The following CAMSAP1 variants were observed in gnomAD, a reference collection of about 807,000 sequenced individuals.
CAMSAP1 encodes calmodulin regulated spectrin associated protein 1, also known as calmodulin-regulated spectrin-associated protein 1.
CAMSAP1 carries 58 observed loss-of-function variants against 143.5 expected under a neutral mutation model. The observed-to-expected ratio is 0.40, with a 90% CI of 0.33 to 0.50. The LOEUF (loss-of-function observed/expected upper bound fraction) is 0.50, where lower values mean the gene tolerates loss of function less well. CAMSAP1 is among the 20% of genes least tolerant of loss of function. The pLI, the probability that CAMSAP1 is intolerant of heterozygous loss-of-function variation, is 0.45. For missense variants in CAMSAP1, 1,969 were observed against 2,115.7 expected (o/e 0.93, Z 1.36); for synonymous variants, 945 against 859.3 (o/e 1.10, Z -1.74).
chr9:135,897,682 A>G (rs1362841074), intron 1 of CAMSAP1, among the ~76,000 whole-genome samples: 1 of 152,124 alleles, frequency 6.6e-6, no homozygotes, highest in Admixed American at 6.5e-5. Context: ...GGAGCAGATG[A>G]TATCAATGAC....
rs545279303 is a variant in CAMSAP1 at position 135,837,832 on chromosome 9, C to T, written c.1046-10248G>A. Among the ~76,000 whole-genome samples the T allele has an allele frequency of 5.3e-5, 8 of 151,684 alleles. No individual in the cohort carries two copies. The South Asian group carries it at 1.0e-3, about 20-fold the overall frequency. ...ACTTTCTGCCCGTTGTACAGACACA[C>T]GTCATCACGCACTTTCTACCCCTTC... On this transcript the variant is annotated intron_variant, in intron 7 of 16. Coordinates refer to ENST00000389532, the MANE Select transcript of CAMSAP1 (RefSeq NM_015447.4).
At chr9:135,887,317 T>C (rs1838154071) in intron 1 of CAMSAP1, among the ~76,000 whole-genome samples, 1 of 152,050 alleles carries the variant, frequency 6.6e-6, no homozygotes, top group Non-Finnish European at 1.5e-5. Flanking sequence ...GAAGGATGCA[T>C]GCATGAAGAC....
intron 3 of CAMSAP1, among the ~76,000 whole-genome samples, chr9:135,877,972 C>A (rs1837808978): frequency 6.6e-6 from 1 of 152,194 alleles, no homozygotes; most frequent in African/African-American, 2.4e-5. Flanking sequence ...GGATGGGAAA[C>A]CCGCATGGCA....
At chr9:135,843,873 C>CAAAAA (rs150201026) in intron 7 of CAMSAP1, among the ~76,000 whole-genome samples, 14 of 63,898 alleles carry the variant, frequency 2.2e-4, no homozygotes, top group African/African-American at 5.9e-4. Context: ...GACTCCGTCT[C>CAAAAA]AAAAAAAAAA....
At position 135,838,379 on chromosome 9, in the gene CAMSAP1, A is replaced by C. The variant is rs1223718450; in HGVS notation, c.1046-10795T>G. 2.1e-5 allele frequency among the ~76,000 whole-genome samples: 3 copies of C among 143,644 alleles called. No individual in the cohort carries two copies. The Admixed American group carries it at 2.1e-4, about 10-fold the overall frequency. 94.2% of individuals were successfully genotyped at this position (143,644 alleles called of 152,430 possible). A position where few individuals can be genotyped will look rare whatever the true frequency, so the allele number is the denominator to read the frequency against. Reference sequence around the variant, plus strand: ...GTTCTACAGACACATGTCATCACGCACTTTCCACCCGTTCTACAGACACAC... The same window carrying C: ...GTTCTACAGACACATGTCATCACGCCCTTTCCACCCGTTCTACAGACACAC... On this transcript the variant is annotated intron_variant, in intron 7 of 16. Coordinates refer to ENST00000389532, the MANE Select transcript of CAMSAP1 (RefSeq NM_015447.4).
chr9:135,823,287 T>C, intron 10 of CAMSAP1, 27 bp from the exon 11 acceptor site: 5 of 1,529,864 alleles, frequency 3.3e-6, no homozygotes, highest in Non-Finnish European at 4.4e-6. Context: ...GCCCACTGGG[T>C]GCGCTGCGGT....
intron 1 of CAMSAP1, among the ~76,000 whole-genome samples, chr9:135,904,555 A>T (rs1460809671): frequency 6.6e-6 from 1 of 152,068 alleles, no homozygotes; most frequent in African/African-American, 2.4e-5. Context: ...TCTGCCTCCG[A>T]GTCACTAGAA....
chr9:135,845,802 C>T (rs920413882), intron 7 of CAMSAP1, among the ~76,000 whole-genome samples: 4 of 152,112 alleles, frequency 2.6e-5, no homozygotes, highest in African/African-American at 9.7e-5. Context: ...AGGAATACAA[C>T]TTACAAGGGC....
chr9:135,850,914 C>G (rs1836757216), intron 5 of CAMSAP1, among the ~76,000 whole-genome samples: 1 of 152,258 alleles, frequency 6.6e-6, no homozygotes, highest in Non-Finnish European at 1.5e-5. Flanking sequence ...CACGCCCACT[C>G]AGTGATAACA....
intron 3 of CAMSAP1, among the ~76,000 whole-genome samples, chr9:135,880,040 G>C (rs148730180): frequency 1.3e-5 from 2 of 151,914 alleles, no homozygotes; most frequent in Non-Finnish European, 2.9e-5. Flanking sequence ...ATAAGATTAC[G>C]GGTAATTTAC....
chr9:135,815,373 T>C (rs1440264738), intron 15 of CAMSAP1, among the ~76,000 whole-genome samples, 158 bp from the exon 16 acceptor site: 1 of 152,240 alleles, frequency 6.6e-6, no homozygotes, highest in African/African-American at 2.4e-5. Flanking sequence ...CTTAAATTTA[T>C]TCAAAAGAAT....
At chr9:135,898,506 A>AAT (rs975579256) in intron 1 of CAMSAP1, among the ~76,000 whole-genome samples, 21 of 152,046 alleles carry the variant, frequency 1.4e-4, no homozygotes, top group East Asian at 1.9e-4. Context: ...TTTAAAGAAA[A>AAT]ATATATATAT....
intron 16 of CAMSAP1, among the ~76,000 whole-genome samples, chr9:135,814,610 C>T (rs757650428): frequency 4.9e-4 from 74 of 152,128 alleles, no homozygotes; most frequent in Non-Finnish European, 6.0e-4. Context: ...CCTCTTCCCT[C>T]CCTCCCCACT....
rs1421156460 is a variant in CAMSAP1 at position 135,820,632 on chromosome 9, T to C, written c.3822+207A>G. ...GTCGTCTCAGCCACACCACGCTCAC[T>C]TGCATGCGTATTGCCCGGGACTGCT... On this transcript the variant is annotated intron_variant, in intron 11 of 16. Transcript: ENST00000389532. The surrounding 1 kb of genome is among the most constrained non-coding windows in gnomAD (Gnocchi z 4.4). Among the ~76,000 whole-genome samples, 1 of 152,090 alleles carries C rather than the reference T, an allele frequency of 6.6e-6. No individual in the cohort carries two copies. The highest frequency in any genetic ancestry group is 2.4e-5 in the African/African-American group (1 of 41,404).
At chr9:135,888,130 C>T (rs1838182228) in intron 1 of CAMSAP1, among the ~76,000 whole-genome samples, 1 of 152,222 alleles carries the variant, frequency 6.6e-6, no homozygotes, top group Non-Finnish European at 1.5e-5. Context: ...CCAGCTTGGC[C>T]TCTTACTGGA....
At chr9:135,884,119 C>T (rs1164973996) in intron 1 of CAMSAP1, among the ~76,000 whole-genome samples, 3 of 152,154 alleles carry the variant, frequency 2.0e-5, no homozygotes, top group Non-Finnish European at 2.9e-5. Flanking sequence ...ATGTGCCCCG[C>T]GCCCAACACT....
At chr9:135,860,636 C>T (rs2130928441) in intron 5 of CAMSAP1, among the ~76,000 whole-genome samples, 1 of 149,982 alleles carries the variant, frequency 6.7e-6, no homozygotes, top group East Asian at 2.0e-4. Context: ...CAAGACAAGA[C>T]CTGGAGGATG....
In CAMSAP1 at chr9:135,823,991, C is replaced by G. The variant is rs1424758634; in HGVS notation, c.1359G>C (p.Gln453His). The G allele has an allele frequency of 3.8e-6, 6 of 1,590,084 alleles. No individual in the cohort carries two copies. Among genetic ancestry groups the G allele is most frequent in the East Asian group, 2.3e-5 (1 of 44,152 alleles). ...GCCAGGCTATTGCTGCTCCTCGAGG[C>G]TGACCATCAACTCGGGTCAAAGAAT... The part of the protein sequence containing the change: ...RSNSLTRVDG[Q>H]PRGAAIAWPE... Residue 453 changes from glutamine to histidine, a missense_variant, in exon 10 of 17, where the codon CAG becomes CAC. Around this residue, in one of 4 missense-constraint regions of CAMSAP1, gnomAD observed 1,390 missense variants for 1,420.8 expected, o/e 0.98. Transcript: ENST00000389532.
chr9:135,892,846 CTCAAAA>C (rs1838326533), intron 1 of CAMSAP1, among the ~76,000 whole-genome samples: 1 of 8,598 alleles, frequency 1.2e-4, no homozygotes, highest in South Asian at 3.6e-3. Flanking sequence ...GCAAGACTGT[CTCAAAA>C]AAAAAAAAAA....
Sources: gnomAD v4.1 joint callset for allele counts (sites outside exome capture counted in the v4.1 genomes callset) on GRCh38, gnomAD v4.1.1 for gene constraint, gnomAD v4.1.1 regional missense constraint, Gnocchi (gnomAD v3.1) non-coding constraint, MANE v1.5 for transcripts, NCBI Gene and HGNC (gene_info 2026-07-23, HGNC 2026-07-21) for gene names.